ADAM2: variants seen among roughly 807,000 people sequenced by gnomAD.
The protein encoded by ADAM2 is disintegrin and metalloproteinase domain-containing protein 2.
ADAM2 carries 101 observed loss-of-function variants against 99.3 expected under a neutral mutation model. The observed-to-expected ratio is 1.02, with a 90% CI of 0.87 to 1.20. The LOEUF (loss-of-function observed/expected upper bound fraction) is 1.20, where lower values mean the gene tolerates loss of function less well. Among genes scored for constraint, ADAM2 ranks in the 50% most tolerant of loss-of-function variants. ADAM2 has a pLI of 0.00. For missense variants in ADAM2, 948 were observed against 878.7 expected (o/e 1.08, Z -1.00); for synonymous variants, 323 against 287.6 (o/e 1.12, Z -1.25).
chr8:39,832,834 ATATG>A (rs35423977), intron 3 of ADAM2, among the ~76,000 whole-genome samples: 90,036 of 151,324 alleles, frequency 0.59, 27,626 homozygotes, highest in African/African-American at 0.74. Flanking sequence ...TAACCACATT[ATATG>A]TATGTAAGGT....
At chr8:39,830,506 T>G (rs891652681) in intron 3 of ADAM2, among the ~76,000 whole-genome samples, 2 of 152,108 alleles carry the variant, frequency 1.3e-5, no homozygotes, top group African/African-American at 4.8e-5. Flanking sequence ...CCTGATTTGA[T>G]TGTATTATAG....
intron 6 of ADAM2, among the ~76,000 whole-genome samples, chr8:39,810,893 A>C (rs1477393162): frequency 6.6e-6 from 1 of 152,150 alleles, no homozygotes; most frequent in Non-Finnish European, 1.5e-5. Context: ...GCAAGAGCAA[A>C]CACATTCAAA....
At chr8:39,827,019 C>A (rs1805436200) in intron 3 of ADAM2, among the ~76,000 whole-genome samples, 1 of 149,804 alleles carries the variant, frequency 6.7e-6, no homozygotes, top group South Asian at 2.1e-4. Context: ...GGTCAAAATC[C>A]AAAATGTATA....
chr8:39,812,835 A>T (rs1475676258), intron 6 of ADAM2, among the ~76,000 whole-genome samples: 1 of 152,178 alleles, frequency 6.6e-6, no homozygotes, highest in Non-Finnish European at 1.5e-5. Flanking sequence ...AACCTAGGCA[A>T]TACCATTCAG....
At chr8:39,779,301 T>C (rs1288179714) in intron 10 of ADAM2, among the ~76,000 whole-genome samples, 1 of 152,118 alleles carries the variant, frequency 6.6e-6, no homozygotes, top group Non-Finnish European at 1.5e-5. Context: ...TGCTGGCCTT[T>C]CCTCTATGTG....
chr8:39,800,181 T>G (rs185987820), intron 7 of ADAM2, among the ~76,000 whole-genome samples: 1 of 152,338 alleles, frequency 6.6e-6, no homozygotes, highest in Admixed American at 6.5e-5. Flanking sequence ...CCTTTCCATA[T>G]TATGTGCTTC....
chr8:39,783,932 G>A (rs1192067168), intron 10 of ADAM2, among the ~76,000 whole-genome samples: 3 of 150,828 alleles, frequency 2.0e-5, no homozygotes, highest in Non-Finnish European at 4.4e-5. Context: ...GTGACAGAGC[G>A]AGACTCTGTC....
chr8:39,754,223 T>G (rs1802063745), intron 16 of ADAM2, among the ~76,000 whole-genome samples: 1 of 152,184 alleles, frequency 6.6e-6, no homozygotes, highest in South Asian at 2.1e-4. Context: ...ATTCACTAAC[T>G]GTGGATATAA....
chr8:39,784,446 T>C (rs907870463), intron 10 of ADAM2, among the ~76,000 whole-genome samples: 3 of 152,114 alleles, frequency 2.0e-5, no homozygotes, highest in Admixed American at 2.0e-4. Context: ...AGTGGTGCAG[T>C]CCTGGCTCCC....
intron 6 of ADAM2, 26 bp downstream of exon 6, chr8:39,820,976 T>C (rs1205730744): frequency 4.1e-6 from 6 of 1,473,072 alleles, no homozygotes; most frequent in Non-Finnish European, 5.6e-6. Context: ...GTAATAACCA[T>C]AGAGTTTGTT....
At chr8:39,759,874 T>G (rs1357293156) in intron 15 of ADAM2, among the ~76,000 whole-genome samples, 1 of 152,190 alleles carries the variant, frequency 6.6e-6, no homozygotes, top group Non-Finnish European at 1.5e-5. Flanking sequence ...ATTTATTTAT[T>G]TTTTATTTTT....
At position 39,746,474 on chromosome 8, in the gene ADAM2, A is replaced by G. The variant is rs371348854; in HGVS notation, c.2172T>C (p.Asp724=). ...KKWRTEDYSS[D]EQPESESEPK... ...TCTTAAATATGAAATCAATATACTC[A>G]TCGCTTGAATAGTCCTCAGTTCTCC... Residue 724 remains aspartate, a splice_region_variant and synonymous_variant, in exon 19 of 21, where the codon GAT becomes GAC. Coordinates refer to ENST00000265708, the MANE Select transcript of ADAM2 (RefSeq NM_001464.5). 2 of 1,557,264 alleles carry G rather than the reference A, an allele frequency of 1.3e-6. No individual in the cohort carries two copies. The highest frequency in any genetic ancestry group is 1.4e-5 in the African/African-American group (1 of 71,448).
At chr8:39,744,733 A>G (rs1823377206) in intron 20 of ADAM2, 97 bp downstream of exon 20, 3 of 733,182 alleles carry the variant, frequency 4.1e-6, no homozygotes, top group Non-Finnish European at 6.6e-6. Context: ...GCAAACCACC[A>G]TGGCACATGT....
In ADAM2 at chr8:39,746,479, T is replaced by A; in HGVS notation, c.2167A>T (p.Ser723Cys). 1.3e-6 allele frequency: 2 copies of A among 1,573,160 alleles called. No individual in the cohort carries two copies. Among genetic ancestry groups the A allele is most frequent in the Non-Finnish European group, 1.7e-6 (2 of 1,163,820 alleles). Residue 723 changes from serine to cysteine, a missense_variant, in exon 19 of 21, where the codon AGC becomes TGC. Coordinates refer to ENST00000265708, the MANE Select transcript of ADAM2 (RefSeq NM_001464.5). The part of the protein sequence containing the change: ...RKKWRTEDYS[S>C]DEQPESESEP... The stretch of plus-strand genomic sequence containing the variant: ...AATATGAAATCAATATACTCATCGC[T>A]TGAATAGTCCTCAGTTCTCCATTTT...
intron 6 of ADAM2, among the ~76,000 whole-genome samples, chr8:39,811,411 T>C (rs1804690222): frequency 6.6e-6 from 1 of 152,256 alleles, no homozygotes; most frequent in African/African-American, 2.4e-5. Context: ...GAGGGAATCC[T>C]CCCTAACTCA....
chr8:39,833,143 G>A (rs563447597), intron 3 of ADAM2, among the ~76,000 whole-genome samples: 5 of 152,034 alleles, frequency 3.3e-5, no homozygotes, highest in Admixed American at 3.3e-4. Flanking sequence ...ATGTCAGTTT[G>A]CTCTATGTAT....
At chr8:39,803,844 C>T (rs1331049683) in intron 7 of ADAM2, among the ~76,000 whole-genome samples, 1 of 152,118 alleles carries the variant, frequency 6.6e-6, no homozygotes, top group Non-Finnish European at 1.5e-5. Context: ...GGACGATTAT[C>T]TTTGCTTATT....
intron 20 of ADAM2, 89 bp downstream of exon 20, chr8:39,744,741 T>TG (rs1823377629): frequency 2.5e-6 from 2 of 808,634 alleles, no homozygotes; most frequent in South Asian, 3.6e-5. Context: ...CCATGGCACA[T>TG]GTATACCTAT....
chr8:39,807,776 C>G (rs568136749), intron 7 of ADAM2, among the ~76,000 whole-genome samples: 3 of 152,166 alleles, frequency 2.0e-5, no homozygotes, highest in Admixed American at 2.0e-4. Context: ...TGTTAGCAAG[C>G]TGAAGCCAGA....
Sources: gnomAD v4.1 joint callset for allele counts (sites outside exome capture counted in the v4.1 genomes callset) on GRCh38, gnomAD v4.1.1 for gene constraint, MANE v1.5 for transcripts, NCBI Gene and HGNC (gene_info 2026-07-23, HGNC 2026-07-21) for gene names.